The following RALYL variants were observed in gnomAD, a reference collection of about 807,000 sequenced individuals.
RALYL encodes RNA-binding Raly-like protein.
A neutral mutation model predicts 35.1 loss-of-function variants in RALYL; 29 were observed. The ratio of observed to expected loss-of-function variants is 0.83; its 90% CI spans 0.61 to 1.13. The LOEUF (loss-of-function observed/expected upper bound fraction) is 1.13. RALYL is among the 50% of genes most tolerant of loss of function. RALYL has a pLI of 0.00. For synonymous variants in RALYL, 120 were observed against 127.6 expected (o/e 0.94, Z 0.40); for missense variants, 359 against 360.4 (o/e 1.00, Z 0.03).
At chr8:84,675,905 A>G (rs1320727129) in intron 2 of RALYL, among the ~76,000 whole-genome samples, 3 of 152,204 alleles carry the variant, frequency 2.0e-5, no homozygotes, top group Non-Finnish European at 4.4e-5. Flanking sequence ...AGGGGGAAAT[A>G]TATTATTGGT....
At chr8:84,682,980 G>A (rs1301533794) in intron 2 of RALYL, among the ~76,000 whole-genome samples, 1 of 152,242 alleles carries the variant, frequency 6.6e-6, no homozygotes, top group East Asian at 1.9e-4. Context: ...TGGGCATTTA[G>A]TGCTATAAAT....
chr8:84,391,177 T>A (rs986631790), intron 1 of RALYL, among the ~76,000 whole-genome samples: 6 of 151,990 alleles, frequency 3.9e-5, no homozygotes, highest in Non-Finnish European at 7.4e-5. Context: ...CGTGGACGAC[T>A]CTTTCTCTCT....
intron 3 of RALYL, among the ~76,000 whole-genome samples, chr8:84,802,775 G>C (rs945123361): frequency 1.3e-5 from 2 of 152,200 alleles, no homozygotes; most frequent in Admixed American, 1.3e-4. Context: ...AAGGAAGTGA[G>C]TGGCAGCATT....
At chr8:84,526,153 C>T (rs1352831894) in intron 1 of RALYL, among the ~76,000 whole-genome samples, 2 of 151,834 alleles carry the variant, frequency 1.3e-5, no homozygotes, top group Admixed American at 1.3e-4. Context: ...TGGGGTTTCA[C>T]CATGTTGGCC....
chr8:84,780,856 TG>T (rs1399530190), intron 3 of RALYL, among the ~76,000 whole-genome samples: 1 of 152,182 alleles, frequency 6.6e-6, no homozygotes, highest in Non-Finnish European at 1.5e-5. Flanking sequence ...TCTTGTTTTT[TG>T]TTTGTTTGTT....
chr8:84,709,983 C>G (rs1369647990), intron 2 of RALYL, among the ~76,000 whole-genome samples: 1 of 152,032 alleles, frequency 6.6e-6, no homozygotes, highest in Non-Finnish European at 1.5e-5. Flanking sequence ...ATCGCTTGAA[C>G]CCAAGAGGTG....
At chr8:84,786,900 A>T (rs1245487743) in intron 3 of RALYL, among the ~76,000 whole-genome samples, 1 of 152,202 alleles carries the variant, frequency 6.6e-6, no homozygotes, top group Non-Finnish European at 1.5e-5. Flanking sequence ...TTATATAAAC[A>T]TCATGACCAA....
At chr8:84,505,986 A>C (rs114290599) in intron 1 of RALYL, among the ~76,000 whole-genome samples, 2,366 of 152,228 alleles carry the variant, frequency 0.016, 64 homozygotes, top group African/African-American at 0.053. Flanking sequence ...ATGCTAGTGT[A>C]CTGTGAAATA....
intron 1 of RALYL, among the ~76,000 whole-genome samples, chr8:84,326,536 TAGCTATTTTTCTTTTAAAATAATATCATA>T (rs1845828881): frequency 1.3e-5 from 2 of 152,356 alleles, no homozygotes; most frequent in Admixed American, 1.3e-4. Flanking sequence ...TCAAACATGT[TAGCTATTTTTCTTTTAAAATAATATCATA>T]ACGAAAAGGA....
At position 84,470,982 on chromosome 8, in the gene RALYL, A is replaced by G. The variant is rs551724806; in HGVS notation, c.-23-58317A>G. ...AGCCTTCCCCAAATTGGAACCTGTT[A>G]TATATTAGAAAGAACACTTTGGAGT... On this transcript the variant is annotated intron_variant, in intron 1 of 8. Transcript: ENST00000521268. 3.9e-5 allele frequency among the ~76,000 whole-genome samples: 6 copies of G among 152,310 alleles called. No homozygotes were observed. In the South Asian group the frequency reaches 1.2e-3, roughly 32 times the overall value.
At chr8:84,875,331 A>G (rs1050429835) in intron 7 of RALYL, among the ~76,000 whole-genome samples, 1 of 152,184 alleles carries the variant, frequency 6.6e-6, no homozygotes, top group East Asian at 1.9e-4. Flanking sequence ...TTAAATATAA[A>G]TCACCTCAAA....
At chr8:84,636,247 C>A (rs1825036353) in intron 2 of RALYL, among the ~76,000 whole-genome samples, 1 of 151,682 alleles carries the variant, frequency 6.6e-6, no homozygotes, top group Admixed American at 6.6e-5. Flanking sequence ...TCTGAAATGT[C>A]TTATATCTAC....
In RALYL at chr8:84,247,082, C is replaced by A. The variant is rs539506626; in HGVS notation, c.-24+62658C>A. ...TGTTTTATAGGGTTAGTGAAATTAT[C>A]CAAATGGCGATTATCCAAATCACGA... On this transcript the variant is annotated intron_variant, in intron 1 of 8. Transcript: ENST00000521268. Among the ~76,000 whole-genome samples the A allele has an allele frequency of 1.1e-3, 175 of 152,176 alleles. 1 individual carries two copies. The highest frequency in any genetic ancestry group is 6.8e-3 in the Middle Eastern group (2 of 294).
chr8:84,307,494 G>C (rs1372263252), intron 1 of RALYL, among the ~76,000 whole-genome samples: 1 of 152,086 alleles, frequency 6.6e-6, no homozygotes, highest in Non-Finnish European at 1.5e-5. Context: ...AGAAAAAAAA[G>C]CACAACCACG....
intron 2 of RALYL, among the ~76,000 whole-genome samples, chr8:84,589,022 C>A (rs774551788): frequency 6.6e-6 from 1 of 152,036 alleles, no homozygotes; most frequent in African/African-American, 2.4e-5. Flanking sequence ...CTCAGCCTCC[C>A]GAGTAGTTGG....
At chr8:84,457,419 T>C (rs2050257540) in intron 1 of RALYL, among the ~76,000 whole-genome samples, 2 of 151,980 alleles carry the variant, frequency 1.3e-5, no homozygotes, top group South Asian at 4.1e-4. Context: ...AAATTAACTT[T>C]AATCATGTAG....
rs1355510703 is a variant in RALYL, at chr8:84,529,501, A to G, written c.180A>G (p.Val60=). 10 of 1,613,874 alleles carry G rather than the reference A, an allele frequency of 6.2e-6. No individual in the cohort carries two copies. The highest frequency in any genetic ancestry group is 8.5e-6 in the Non-Finnish European group (10 of 1,179,808). Residue 60 remains valine (V), a synonymous_variant, in exon 2 of 9, where the codon GTA becomes GTG. Coordinates refer to ENST00000521268, the MANE Select transcript of RALYL (RefSeq NM_173848.7). ...GCSVHKGYAF[V]QYMSERHARA... is the part of the protein sequence containing the mutation. ...CCGTTCACAAAGGTTATGCATTTGT[A>G]CAGTACATGAGTGAGCGACATGCAA...
At chr8:84,802,561 A>G (rs998992313) in intron 3 of RALYL, among the ~76,000 whole-genome samples, 12 of 152,106 alleles carry the variant, frequency 7.9e-5, no homozygotes, top group African/African-American at 2.2e-4. Context: ...ATGTCCCTGT[A>G]TGCTCTAATC....
chr8:84,589,317 T>C (rs1490638279), intron 2 of RALYL, among the ~76,000 whole-genome samples: 2 of 152,188 alleles, frequency 1.3e-5, no homozygotes, highest in African/African-American at 4.8e-5. Flanking sequence ...AAAATGTAGC[T>C]TTTTTCTTAC....
Sources: allele counts gnomAD v4.1 joint callset (sites outside exome capture counted in the v4.1 genomes callset), GRCh38; gene constraint gnomAD v4.1.1; transcripts MANE v1.5; gene names NCBI Gene and HGNC (gene_info 2026-07-23, HGNC 2026-07-21).